Variants in ANKRD37 observed in about 807,000 individuals in gnomAD.
The protein encoded by ANKRD37 is ankyrin repeat domain 37.
Under a neutral mutation model 19.7 loss-of-function variants are expected in ANKRD37, and 17 were observed. The observed-to-expected ratio is 0.86, with a 90% confidence interval of 0.59 to 1.29. The LOEUF (loss-of-function observed/expected upper bound fraction) is 1.29. Ranked by LOEUF, ANKRD37 falls within the 50% of genes most tolerant of loss-of-function variation. ANKRD37 has a pLI of 0.00. For missense variants in ANKRD37, 207 were observed against 190.4 expected (o/e 1.09, Z -0.51); for synonymous variants, 79 against 74.5 (o/e 1.06, Z -0.31).
chr4:185,399,052 A>C, intron 3 of ANKRD37, 24 bp downstream of exon 3: 1 of 1,595,658 alleles, frequency 6.3e-7, no homozygotes, highest in Middle Eastern at 1.7e-4. Flanking sequence ...CAGTGGCTTC[A>C]CATTTTATGT....
At position 185,399,958 on chromosome 4, in the gene ANKRD37, T is replaced by C. The variant is rs148425797; in HGVS notation, c.*-59T>C. ...AAAAATGGGACTGCATGGTGGAAGT[T>C]TGGGGATAAAACTCTTTTTAAAAAA... On this transcript the variant is annotated intron_variant, in intron 4 of 4. Transcript: ENST00000335174. The C allele has an allele frequency of 7.6e-6, 12 of 1,582,354 alleles. 1 individual carries two copies. The African/African-American group carries it at 8.2e-5, about 11-fold the overall frequency.
At chr4:185,397,843 T>C (rs2095507257) in intron 2 of ANKRD37, 1 of 152,382 alleles carries the variant, frequency 6.6e-6, no homozygotes, top group Non-Finnish European at 1.5e-5. Context: ...AAGAGTTTTC[T>C]TACTGTAGTT....
Sources: allele counts gnomAD v4.1 joint callset, GRCh38; gene constraint gnomAD v4.1.1; transcripts MANE v1.5; gene names NCBI Gene and HGNC (gene_info 2026-07-23, HGNC 2026-07-21).